Variants in DERPC observed in about 807,000 individuals in gnomAD.
The protein encoded by DERPC is DERPC proline and glycine rich nuclear protein, also known as decreased expression in renal and prostate cancer protein.
A neutral mutation model predicts 7.2 loss-of-function variants in DERPC; 1 was observed. That is an observed-to-expected ratio of 0.14 (90% CI 0.05 to 0.66). The LOEUF is 0.66. Among genes scored for constraint, DERPC ranks in the 30% least tolerant of loss-of-function variants. The pLI is 0.84. For synonymous variants in DERPC, 185 were observed against 117.6 expected (o/e 1.57, Z -3.71); for missense variants, 502 against 299.4 (o/e 1.68, Z -4.99).
At chr16:69,132,291 G>A (rs953145810) in intron 1 of DERPC, 193 bp downstream of exon 1, 2 of 28,394 alleles carry the variant, frequency 7.0e-5, no homozygotes, top group Admixed American at 8.5e-4. Context: ...CCGCCCTCCC[G>A]CCGCCCTCCC....
intron 1 of DERPC, among the ~76,000 whole-genome samples, chr16:69,129,388 C>T (rs1962324360): frequency 6.8e-6 from 1 of 147,326 alleles, no homozygotes; most frequent in South Asian, 2.2e-4. Context: ...CGACATCACG[C>T]CACTGCACTC....
At chr16:69,123,022 G>C (rs991652910) in intron 1 of DERPC, among the ~76,000 whole-genome samples, 2 of 152,142 alleles carry the variant, frequency 1.3e-5, no homozygotes, top group Admixed American at 1.3e-4. Context: ...GCCTCTCAAA[G>C]TGCTGGGATT....
intron 1 of DERPC, among the ~76,000 whole-genome samples, chr16:69,123,480 A>C (rs1232501956): frequency 3.3e-5 from 5 of 152,090 alleles, no homozygotes; most frequent in Non-Finnish European, 7.4e-5. Flanking sequence ...AACACGGTGA[A>C]ACCCAGTCTC....
intron 2 of DERPC, chr16:69,121,183 G>T: frequency 6.2e-7 from 1 of 1,607,396 alleles, no homozygotes; most frequent in Non-Finnish European, 8.5e-7. Context: ...GCAAGCAAAG[G>T]GCTGGCGGTT....
intron 1 of DERPC, among the ~76,000 whole-genome samples, chr16:69,124,014 G>A (rs1961879624): frequency 1.3e-5 from 2 of 150,860 alleles, no homozygotes; most frequent in South Asian, 4.2e-4. Context: ...TGAGGCATGA[G>A]ACTCAGTGGA....
rs1351932714 is a variant in DERPC at position 69,119,770 on chromosome 16, G to A, written c.659C>T (p.Thr220Ile). The change falls in exon 3 of 3, where the codon ACA (threonine) becomes ATA (isoleucine). Residue 220 changes from threonine to isoleucine, a missense_variant. Thr to Ile is a moderately conservative substitution (Grantham distance 89, BLOSUM62 -1). Transcript: ENST00000519520. ...CACACCTGACCTGGGGGCAGGGTTTGTCCCTAAAAAGCCTGATCTCAGATT... is the reference window on the plus strand; with the variant it reads ...CACACCTGACCTGGGGGCAGGGTTTATCCCTAAAAAGCCTGATCTCAGATT... ...NPNLRSGFLG[T>I]NPAPRSGVFP... 1.4e-6 allele frequency: 1 copy of A among 698,782 alleles called. No homozygotes were observed. Among genetic ancestry groups the A allele is most frequent in the Non-Finnish European group, 2.6e-6 (1 of 382,752 alleles). 43.3% of individuals were successfully genotyped at this position (698,782 alleles called of 1,614,324 possible). A position where few individuals can be genotyped will look rare whatever the true frequency, so the allele number is the denominator to read the frequency against.
At chr16:69,128,444 C>T (rs1331065812) in intron 1 of DERPC, among the ~76,000 whole-genome samples, 1 of 152,154 alleles carries the variant, frequency 6.6e-6, no homozygotes, top group Non-Finnish European at 1.5e-5. Context: ...GAAAACCAAA[C>T]CTTTCCCTGC....
In DERPC at chr16:69,118,068, C is replaced by T; in HGVS notation, c.*786G>A. On this transcript the variant is annotated 3_prime_UTR_variant, in exon 3 of 3. Transcript: ENST00000519520. ...GAAAAGATACAATGCAGGAAAACCACCAACCATCCTTGCACACCAGGCCGA... is the reference window on the plus strand; with the variant it reads ...GAAAAGATACAATGCAGGAAAACCATCAACCATCCTTGCACACCAGGCCGA... 2.1e-6 allele frequency: 1 copy of T among 487,562 alleles called. No homozygotes were observed. Among genetic ancestry groups the T allele is most frequent in the Non-Finnish European group, 3.7e-6 (1 of 270,282 alleles). The allele number at this position is 487,562 out of a possible 1,614,324, so 30.2% of individuals were successfully genotyped here. A position where few individuals can be genotyped will look rare whatever the true frequency, so the allele number is the denominator to read the frequency against.
In DERPC at chr16:69,120,807, G is replaced by T; in HGVS notation, c.-221-158C>A. The T allele has an allele frequency of 1.4e-6, 1 of 731,846 alleles. No homozygotes were observed. Among genetic ancestry groups the T allele is most frequent in the Non-Finnish European group, 2.4e-6 (1 of 422,464 alleles). 45.3% of individuals were successfully genotyped at this position (731,846 alleles called of 1,614,324 possible). A position where few individuals can be genotyped will look rare whatever the true frequency, so the allele number is the denominator to read the frequency against. The stretch of plus-strand genomic sequence containing the variant: ...GCCACACTGGACCACCCACCCATGT[G>T]CCCTTTTTACTTTCTAGCCCCACAT... On this transcript the variant is annotated intron_variant, in intron 2 of 2. Transcript: ENST00000519520. The surrounding 1 kb of genome is among the most constrained non-coding windows in gnomAD (Gnocchi z 4.0).
intron 1 of DERPC, among the ~76,000 whole-genome samples, chr16:69,124,015 A>T (rs2152269072): frequency 6.6e-6 from 1 of 151,594 alleles, no homozygotes; most frequent in South Asian, 2.1e-4. Flanking sequence ...GAGGCATGAG[A>T]CTCAGTGGAA....
rs765215470 is a variant in DERPC, at chr16:69,119,854, G to T, written c.575C>A (p.Thr192Asn). 4.3e-6 allele frequency: 3 copies of T among 701,356 alleles called. No individual in the cohort carries two copies. The South Asian group carries it at 4.4e-5, about 10-fold the overall frequency. The allele number at this position is 701,356 out of a possible 1,614,324, so 43.4% of individuals were successfully genotyped here. The stretch of plus-strand genomic sequence containing the variant: ...AGGATTGGGAGGACCATTCCCAGAG[G>T]TTAACAGAACACCGGCTCTCAGGTT... ...GPNLRAGVLL[T>N]SGNGPPNPRP... The change falls in exon 3 of 3, where the codon ACC (threonine) becomes AAC (asparagine). Residue 192 changes from threonine (T) to asparagine (N), a missense_variant. Transcript: ENST00000519520.
rs540303361 is a variant in DERPC, at chr16:69,120,875, C to G, written c.-221-226G>C. ...CAGAAATGTGAGCTTTCCAGATTCC[C>G]CAAAATTAAATTTCCCTGCTACTGC... is the stretch of plus-strand genomic sequence containing the variant. On this transcript the variant is annotated intron_variant, in intron 2 of 2. Transcript: ENST00000519520. This position sits in a 1 kb window ranked among gnomAD's most constrained non-coding sequence, Gnocchi z 4.0. 59 of 763,302 alleles carry G rather than the reference C, an allele frequency of 7.7e-5. No individual in the cohort carries two copies. Among genetic ancestry groups the G allele is most frequent in the Non-Finnish European group, 1.3e-4 (56 of 428,504 alleles). 47.3% of individuals were successfully genotyped at this position (763,302 alleles called of 1,614,324 possible). A position where few individuals can be genotyped will look rare whatever the true frequency, so the allele number is the denominator to read the frequency against.
intron 1 of DERPC, among the ~76,000 whole-genome samples, chr16:69,127,908 C>G (rs1228141427): frequency 6.6e-6 from 1 of 150,878 alleles, no homozygotes; most frequent in Non-Finnish European, 1.5e-5. Flanking sequence ...CCGTGCCCGG[C>G]CAAATTTCTC....
At position 69,118,139 on chromosome 16, in the gene DERPC, ATTCCC is replaced by A. The variant is rs2152263151; in HGVS notation, c.*710_*714del. The A allele has an allele frequency of 5.9e-6, 2 of 341,254 alleles. No homozygotes were observed. Among genetic ancestry groups the A allele is most frequent in the Non-Finnish European group, 1.1e-5 (2 of 185,692 alleles). 21.1% of individuals were successfully genotyped at this position (341,254 alleles called of 1,614,324 possible). On this transcript the variant is annotated 3_prime_UTR_variant, in exon 3 of 3. Transcript: ENST00000519520. ...CCCTTCATCCCCCACCCCCACCCTA[ATTCCC>A]ATATTCCCATCCACATCAGTTTAAA... is the stretch of plus-strand genomic sequence containing the variant.
rs1597105087 is a variant in DERPC at position 69,118,848 on chromosome 16, T to C, written c.*6A>G. The C allele has an allele frequency of 2.9e-6, 2 of 698,778 alleles. No homozygotes were observed. Among genetic ancestry groups the C allele is most frequent in the Non-Finnish European group, 5.2e-6 (2 of 382,316 alleles). 43.3% of individuals were successfully genotyped at this position (698,778 alleles called of 1,614,324 possible). On this transcript the variant is annotated 3_prime_UTR_variant, in exon 3 of 3. Transcript: ENST00000519520. ...AACCAAGGTGGTCCTGGAGGGAAAA[T>C]GGTGTTTAAGGGGGCAACATTCCAT...
Position 69,119,240 on chromosome 16 carries a change from T to C in DERPC, c.1189A>G (p.Thr397Ala), listed in dbSNP as rs143561296. The change falls in exon 3 of 3, where the codon ACC (threonine) becomes GCC (alanine). Residue 397 changes from threonine to alanine, a missense_variant. Transcript: ENST00000519520. ...RSAGLQGSNP[T>A]IFPRASGPLG... ...GGCCCAGAGGCTCTTGGGAAAATGG[T>C]TGGATTTGAGCCCTGGAGGCCAGCG... 5 of 702,952 alleles carry C rather than the reference T, an allele frequency of 7.1e-6. No individual in the cohort carries two copies. The highest frequency in any genetic ancestry group is 1.7e-5 in the African/African-American group (1 of 57,388). 43.5% of individuals were successfully genotyped at this position (702,952 alleles called of 1,614,324 possible).
chr16:69,120,967 C>A lies in DERPC; in HGVS notation c.-221-318G>T. On this transcript the variant is annotated intron_variant, in intron 2 of 2. Coordinates refer to ENST00000519520, the MANE Select transcript of DERPC (RefSeq NM_001002847.4). The surrounding 1 kb of genome is among the most constrained non-coding windows in gnomAD (Gnocchi z 4.0). ...TAGGCCTTGAATAACAAACCTGAGG[C>A]AGTCCTCACTCTGGGTCCTGGGAGC... The A allele has an allele frequency of 9.0e-7, 1 of 1,110,382 alleles. No individual in the cohort carries two copies. The highest frequency in any genetic ancestry group is 2.3e-5 in the East Asian group (1 of 42,604). The allele number at this position is 1,110,382 out of a possible 1,614,324, so 68.8% of individuals were successfully genotyped here. A position where few individuals can be genotyped will look rare whatever the true frequency, so the allele number is the denominator to read the frequency against.
At chr16:69,130,880 T>C (rs1025904599) in intron 1 of DERPC, among the ~76,000 whole-genome samples, 1 of 152,206 alleles carries the variant, frequency 6.6e-6, no homozygotes, top group Non-Finnish European at 1.5e-5. Context: ...AACATGGCAG[T>C]TGTGGTTCAC....
Position 69,121,428 on chromosome 16 carries a change from G to A in DERPC, c.-222+8C>T. On this transcript the variant is annotated splice_region_variant and intron_variant, in intron 2 of 2. Transcript: ENST00000519520. ...AAGCCAAATTTTAAAATCTCAAAAT[G>A]TACTTACCTGGAAATAACAATTTGC... The A allele has an allele frequency of 1.2e-6, 2 of 1,605,838 alleles. No homozygotes were observed. Among genetic ancestry groups the A allele is most frequent in the East Asian group, 2.2e-5 (1 of 44,854 alleles).
Sources: allele counts gnomAD v4.1 joint callset (sites outside exome capture counted in the v4.1 genomes callset), GRCh38; gene constraint gnomAD v4.1.1; non-coding constraint Gnocchi (gnomAD v3.1); transcripts MANE v1.5; gene names NCBI Gene and HGNC (gene_info 2026-07-23, HGNC 2026-07-21).